The following TERF1 variants were observed in gnomAD, a reference collection of about 807,000 sequenced individuals.
TERF1 encodes the protein telomeric repeat binding factor 1, also known as telomeric repeat-binding factor 1.
A neutral mutation model predicts 55.1 loss-of-function variants in TERF1; 20 were observed. The observed-to-expected ratio is 0.36, with a 90% CI of 0.26 to 0.53. The LOEUF (loss-of-function observed/expected upper bound fraction) is 0.53, where lower values mean the gene tolerates loss of function less well. TERF1 is among the 20% of genes least tolerant of loss of function. The pLI, the probability that TERF1 is intolerant of heterozygous loss-of-function variation, is 0.91. For synonymous variants in TERF1, 168 were observed against 181.2 expected, an observed-to-expected ratio of 0.93 and a Z score of 0.59; for missense variants, 439 against 535.7, an observed-to-expected ratio of 0.82 and a Z score of 1.78.
chr8:73,037,771 T>C (rs1250923913), intron 8 of TERF1, among the ~76,000 whole-genome samples: 11 of 47,704 alleles, frequency 2.3e-4, no homozygotes, highest in Admixed American at 2.0e-3. Context: ...TATAGTATAA[T>C]ATATATATTA....
At chr8:73,023,078 A>AAG (rs35655525) in intron 4 of TERF1, among the ~76,000 whole-genome samples, 90,770 of 151,864 alleles carry the variant, frequency 0.6, 28,047 homozygotes, top group Middle Eastern at 0.76. Flanking sequence ...GATACAAAAA[A>AAG]TCTGTATGTG....
chr8:73,022,418 T>C (rs914442075), intron 4 of TERF1, 116 bp downstream of exon 4: 2 of 543,310 alleles, frequency 3.7e-6, no homozygotes, highest in Non-Finnish European at 6.0e-6. Context: ...TATAGAATAA[T>C]ACCGTGCAAC....
chr8:73,041,810 C>CA (rs1278149664), intron 9 of TERF1, among the ~76,000 whole-genome samples: 2 of 152,102 alleles, frequency 1.3e-5, no homozygotes, highest in Non-Finnish European at 2.9e-5. Flanking sequence ...AGATAAAACT[C>CA]ACAAAAGTTT....
chr8:73,018,261 A>C (rs1808606171), intron 2 of TERF1, among the ~76,000 whole-genome samples: 1 of 152,250 alleles, frequency 6.6e-6, no homozygotes. Context: ...TATATCTAAA[A>C]TGTTGGAAAA....
intron 9 of TERF1, among the ~76,000 whole-genome samples, chr8:73,040,761 A>T (rs192948850): frequency 6.6e-6 from 1 of 151,732 alleles, no homozygotes; most frequent in Non-Finnish European, 1.5e-5. Context: ...AGATTGTCCC[A>T]CTGTTCTTAG....
At chr8:73,012,909 C>T (rs1030876460) in intron 1 of TERF1, 2 of 456,062 alleles carry the variant, frequency 4.4e-6, no homozygotes, top group African/African-American at 2.0e-5. Context: ...CACCTCCTAA[C>T]ACAGGCTGGC....
intron 8 of TERF1, among the ~76,000 whole-genome samples, chr8:73,035,176 C>G (rs1939003365): frequency 6.6e-6 from 1 of 152,032 alleles, no homozygotes; most frequent in African/African-American, 2.4e-5. Context: ...AGTTAATCAA[C>G]TTTAGTCTGT....
chr8:73,036,847 A>T (rs1017058321), intron 8 of TERF1, among the ~76,000 whole-genome samples: 15 of 144,182 alleles, frequency 1.0e-4, no homozygotes, highest in African/African-American at 3.6e-4. Context: ...ATATATATTT[A>T]TATATAATAT....
At chr8:73,038,851 G>T (rs562765535) in intron 8 of TERF1, 31 of 657,030 alleles carry the variant, frequency 4.7e-5, no homozygotes, top group Non-Finnish European at 6.1e-5. Context: ...TTTTTAAACA[G>T]ATAATGGAAA....
At chr8:73,029,996 GC>G (rs1480733112) in intron 6 of TERF1, 2 of 173,494 alleles carry the variant, frequency 1.2e-5, no homozygotes, top group Non-Finnish European at 2.4e-5. Context: ...CATGTGCCAT[GC>G]TTTTTATGTA....
intron 4 of TERF1, among the ~76,000 whole-genome samples, 178 bp from the exon 5 acceptor site, chr8:73,024,644 G>A (rs1808902083): frequency 6.7e-6 from 1 of 149,430 alleles, no homozygotes; most frequent in Admixed American, 6.6e-5. Context: ...AATGAGGAGA[G>A]GCCAGAAGAA....
chr8:73,035,642 T>G (rs1326338142), intron 8 of TERF1, among the ~76,000 whole-genome samples: 2 of 152,216 alleles, frequency 1.3e-5, no homozygotes, highest in African/African-American at 4.8e-5. Context: ...CTCCCAAATA[T>G]AATTATGAAT....
chr8:73,017,487 G>A (rs1232582848), intron 2 of TERF1, among the ~76,000 whole-genome samples: 1 of 151,992 alleles, frequency 6.6e-6, no homozygotes, highest in Non-Finnish European at 1.5e-5. Flanking sequence ...CTTACCTTAT[G>A]CTGCTCCATT....
rs542106410 is a variant in TERF1 at position 73,016,674 on chromosome 8, C to T, written c.415+2684C>T. 8.5e-5 allele frequency among the ~76,000 whole-genome samples: 13 copies of T among 152,176 alleles called. No homozygotes were observed. The East Asian group carries it at 2.1e-3, about 25-fold the overall frequency. ...AACTCCTTGCCTTAAGTGATCCTCCCGCCTAGGCCTCCCAAAACTCTGGGA... is the reference window on the plus strand; with the variant it reads ...AACTCCTTGCCTTAAGTGATCCTCCTGCCTAGGCCTCCCAAAACTCTGGGA... On this transcript the variant is annotated intron_variant, in intron 2 of 9. Coordinates refer to ENST00000276603, the MANE Select transcript of TERF1 (RefSeq NM_017489.3).
chr8:73,040,059 A>G (rs1809771923), intron 9 of TERF1, among the ~76,000 whole-genome samples: 1 of 143,716 alleles, frequency 7.0e-6, no homozygotes. Context: ...GGTGCTGCAG[A>G]TAGTGTCAAG....
chr8:73,036,348 G>A (rs955810562), intron 8 of TERF1, among the ~76,000 whole-genome samples: 1 of 152,190 alleles, frequency 6.6e-6, no homozygotes, highest in Non-Finnish European at 1.5e-5. Context: ...AGGAATTGCA[G>A]GGGTGCTCAG....
At chr8:73,030,840 T>G (rs1361906670) in intron 7 of TERF1, 1 of 152,564 alleles carries the variant, frequency 6.6e-6, no homozygotes, top group Non-Finnish European at 1.5e-5. Flanking sequence ...GCAGAAAGTC[T>G]GCATGAATGA....
intron 8 of TERF1, among the ~76,000 whole-genome samples, chr8:73,034,321 G>A (rs1416889346): frequency 6.6e-6 from 1 of 152,084 alleles, no homozygotes; most frequent in African/African-American, 2.4e-5. Flanking sequence ...TAGTAGAGAC[G>A]GGGTTTCGCC....
chr8:73,020,883 A>G (rs1808721818), intron 3 of TERF1, 78 bp downstream of exon 3: 1 of 903,730 alleles, frequency 1.1e-6, no homozygotes, highest in Non-Finnish European at 1.6e-6. Context: ...ACCTAGTAGA[A>G]GTTGAGCAGT....
Sources: allele counts gnomAD v4.1 joint callset (sites outside exome capture counted in the v4.1 genomes callset), GRCh38; gene constraint gnomAD v4.1.1; transcripts MANE v1.5; gene names NCBI Gene and HGNC (gene_info 2026-07-23, HGNC 2026-07-21).